The following HECW1 variants were observed in gnomAD, a reference collection of about 807,000 sequenced individuals.
HECW1 encodes HECT, C2 and WW domain containing E3 ubiquitin protein ligase 1.
HECW1 carries 61 observed loss-of-function variants against 182.3 expected under a neutral mutation model. That is an observed-to-expected ratio of 0.33 (90% CI 0.27 to 0.41). The LOEUF (loss-of-function observed/expected upper bound fraction) is 0.41. Ranked by LOEUF, HECW1 falls within the 10% of genes least tolerant of loss-of-function variation. The probability of loss-of-function intolerance (pLI) is 1.00; values close to 1 mark genes in which losing one functional copy is unlikely to be tolerated. For missense variants in HECW1, 1,739 were observed against 2,108.9 expected (o/e 0.82, Z 3.44); for synonymous variants, 859 against 832.6 (o/e 1.03, Z -0.55).
At chr7:43,115,355 AGAG>A (rs1429117953) in intron 2 of HECW1, among the ~76,000 whole-genome samples, 3 of 151,732 alleles carry the variant, frequency 2.0e-5, no homozygotes, top group African/African-American at 7.3e-5. Flanking sequence ...GTTGGGGAAA[AGAG>A]AAGAAGATTG....
chr7:43,389,641 T>A (rs1325128507), intron 6 of HECW1, among the ~76,000 whole-genome samples: 1 of 151,288 alleles, frequency 6.6e-6, no homozygotes, highest in African/African-American at 2.4e-5. Flanking sequence ...TTGTTGTTGT[T>A]GTTGTCGTTG....
At chr7:43,468,325 G>A (rs2077872847) in intron 15 of HECW1, among the ~76,000 whole-genome samples, 1 of 152,098 alleles carries the variant, frequency 6.6e-6, no homozygotes, top group African/African-American at 2.4e-5. Flanking sequence ...GTCAGAGAAG[G>A]GACCATGGAG....
At chr7:43,384,856 G>A (rs1051641644) in intron 6 of HECW1, among the ~76,000 whole-genome samples, 1 of 152,082 alleles carries the variant, frequency 6.6e-6, no homozygotes, top group East Asian at 1.9e-4. Flanking sequence ...AACAGCAACC[G>A]ACACACTTCC....
chr7:43,284,708 C>T (rs1804396399), intron 3 of HECW1, among the ~76,000 whole-genome samples: 1 of 152,082 alleles, frequency 6.6e-6, no homozygotes, highest in Non-Finnish European at 1.5e-5. Flanking sequence ...CCCCAATTTC[C>T]CTTCCCTGAA....
rs117341104 is a variant in HECW1, at chr7:43,394,550, C to G, written c.556-2264C>G. Reference sequence around the variant, plus strand: ...GCAACTAAAATTGGGGTTTATATATCAGGGAAGGAATGTAAAACAGGAACA... The same window carrying G: ...GCAACTAAAATTGGGGTTTATATATGAGGGAAGGAATGTAAAACAGGAACA... On this transcript the variant is annotated intron_variant, in intron 6 of 29. Transcript: ENST00000395891. Among the ~76,000 whole-genome samples, 91 of 152,150 alleles carry G rather than the reference C, an allele frequency of 6.0e-4. No homozygotes were observed. The East Asian group carries it at 0.017, about 28-fold the overall frequency.
chr7:43,364,512 G>A (rs904894181), intron 6 of HECW1, among the ~76,000 whole-genome samples: 3 of 152,254 alleles, frequency 2.0e-5, no homozygotes, highest in Admixed American at 6.5e-5. Flanking sequence ...CTGTGCTGAT[G>A]TATAGAGAAA....
In HECW1 at chr7:43,347,978, TTC is replaced by T. The variant is rs199927002; in HGVS notation, c.461-12906_461-12905del. Among the ~76,000 whole-genome samples the T allele has an allele frequency of 8.5e-4, 130 of 152,318 alleles. 3 individuals carry two copies. In the East Asian group the frequency reaches 0.019, roughly 22 times the overall value. On this transcript the variant is annotated intron_variant, in intron 5 of 29. Coordinates refer to ENST00000395891, the MANE Select transcript of HECW1 (RefSeq NM_015052.5). ...TCATCAAGGACATCGGTATGTAGTT[TTC>T]TTTTTTGGTTAAGTCCTTTCCTGGT... is the stretch of plus-strand genomic sequence containing the variant.
At chr7:43,152,925 G>A (rs920770950) in intron 2 of HECW1, among the ~76,000 whole-genome samples, 4 of 152,128 alleles carry the variant, frequency 2.6e-5, no homozygotes, top group East Asian at 3.9e-4. Context: ...AGTAATGTCC[G>A]TCACTCCTCT....
chr7:43,364,040 C>T (rs931926577), intron 6 of HECW1, among the ~76,000 whole-genome samples: 1 of 152,138 alleles, frequency 6.6e-6, no homozygotes, highest in Non-Finnish European at 1.5e-5. Flanking sequence ...GTGTCAACTT[C>T]TAGGTTGAGG....
chr7:43,391,574 A>T (rs1169693675), intron 6 of HECW1, among the ~76,000 whole-genome samples: 1 of 152,156 alleles, frequency 6.6e-6, no homozygotes, highest in Admixed American at 6.5e-5. Context: ...CTTAGTCTTT[A>T]TCTCAAGTGT....
At chr7:43,191,824 A>G (rs537064127) in intron 2 of HECW1, among the ~76,000 whole-genome samples, 7 of 152,342 alleles carry the variant, frequency 4.6e-5, no homozygotes, top group South Asian at 2.1e-4. Context: ...GCAAACTCAT[A>G]TTATGCAGTA....
intron 5 of HECW1, among the ~76,000 whole-genome samples, chr7:43,340,102 T>G (rs1275213564): frequency 6.6e-6 from 1 of 151,964 alleles, no homozygotes; most frequent in Non-Finnish European, 1.5e-5. Flanking sequence ...ATTCCACTGC[T>G]CTGCAGTGCC....
intron 2 of HECW1, among the ~76,000 whole-genome samples, chr7:43,153,088 A>T (rs1789513944): frequency 6.6e-6 from 1 of 151,872 alleles, no homozygotes; most frequent in Non-Finnish European, 1.5e-5. Flanking sequence ...GAGTTCTAGA[A>T]CTTTCTATGA....
At chr7:43,384,540 G>A (rs561199260) in intron 6 of HECW1, among the ~76,000 whole-genome samples, 13 of 152,234 alleles carry the variant, frequency 8.5e-5, no homozygotes, top group South Asian at 8.3e-4. Context: ...AAAAAAATAC[G>A]TCTTTGCCTA....
intron 6 of HECW1, among the ~76,000 whole-genome samples, chr7:43,363,531 T>G (rs1816227586): frequency 6.6e-6 from 1 of 152,166 alleles, no homozygotes; most frequent in South Asian, 2.1e-4. Flanking sequence ...TGCAGACAAC[T>G]TCTAGTCCCC....
At chr7:43,269,131 A>G (rs1437869750) in intron 3 of HECW1, among the ~76,000 whole-genome samples, 1 of 152,094 alleles carries the variant, frequency 6.6e-6, no homozygotes, top group Non-Finnish European at 1.5e-5. Flanking sequence ...ACCTCTTGAC[A>G]TCTCTGGAAA....
chr7:43,112,991 C>T (rs896432612), intron 1 of HECW1, 54 bp downstream of exon 1: 1 of 196,134 alleles, frequency 5.1e-6, no homozygotes. Flanking sequence ...CCCCGCCCTT[C>T]TCTGGGCGGC....
intron 8 of HECW1, among the ~76,000 whole-genome samples, chr7:43,418,903 T>C (rs1213853986): frequency 2.0e-5 from 3 of 152,202 alleles, no homozygotes; most frequent in Non-Finnish European, 4.4e-5. Flanking sequence ...CTCTGGATTT[T>C]GCTCCAGGGG....
chr7:43,141,038 T>C (rs1788096211), intron 2 of HECW1, among the ~76,000 whole-genome samples: 1 of 152,210 alleles, frequency 6.6e-6, no homozygotes, highest in Non-Finnish European at 1.5e-5. Flanking sequence ...AATACAGCCA[T>C]GCGGTGGGTT....
Sources: gnomAD v4.1 joint callset for allele counts (sites outside exome capture counted in the v4.1 genomes callset) on GRCh38, gnomAD v4.1.1 for gene constraint, MANE v1.5 for transcripts, NCBI Gene and HGNC (gene_info 2026-07-23, HGNC 2026-07-21) for gene names.